The following PIGN variants were observed in gnomAD, a reference collection of about 807,000 sequenced individuals.
The protein encoded by PIGN is GPI ethanolamine phosphate transferase 1.
Under a neutral mutation model 125.4 loss-of-function variants are expected in PIGN, and 117 were observed. The observed-to-expected ratio is 0.93, with a 90% CI of 0.80 to 1.09. The LOEUF (loss-of-function observed/expected upper bound fraction) is 1.09, where lower values mean the gene tolerates loss of function less well. Among genes scored for constraint, PIGN ranks in the 50% least tolerant of loss-of-function variants. PIGN has a pLI of 0.00. For synonymous variants in PIGN, 392 were observed against 377.8 expected (o/e 1.04, Z -0.44); for missense variants, 1,075 against 1,094.9 (o/e 0.98, Z 0.26).
At chr18:62,028,620 A>C (rs2030155995) in intron 23 of PIGN, among the ~76,000 whole-genome samples, 1 of 152,186 alleles carries the variant, frequency 6.6e-6, no homozygotes, top group South Asian at 2.1e-4. Flanking sequence ...GTGCTGTAAA[A>C]AATTAACAGT....
At chr18:62,019,053 A>T (rs2030020460) in intron 23 of PIGN, among the ~76,000 whole-genome samples, 1 of 152,142 alleles carries the variant, frequency 6.6e-6, no homozygotes, top group South Asian at 2.1e-4. Context: ...ACTGAAAATT[A>T]AAAAACTTAG....
intron 23 of PIGN, among the ~76,000 whole-genome samples, chr18:62,023,373 A>G (rs1465330613): frequency 6.6e-6 from 1 of 152,198 alleles, no homozygotes; most frequent in Non-Finnish European, 1.5e-5. Flanking sequence ...AATGTTTTCA[A>G]GGTCACCCAT....
intron 21 of PIGN, among the ~76,000 whole-genome samples, chr18:62,102,452 G>T (rs1424267497): frequency 6.7e-6 from 1 of 149,568 alleles, no homozygotes; most frequent in Non-Finnish European, 1.5e-5. Context: ...CATACCCCAG[G>T]CTGCTTTCAC....
At chr18:62,186,662 A>C (rs1375047766) in intron 1 of PIGN, among the ~76,000 whole-genome samples, 182 bp downstream of exon 1, 1 of 152,152 alleles carries the variant, frequency 6.6e-6, no homozygotes, top group Non-Finnish European at 1.5e-5. Context: ...CAGAGAAGGG[A>C]AAAGAAAGGA....
chr18:62,126,203 C>T (rs2035529634), intron 14 of PIGN, among the ~76,000 whole-genome samples: 2 of 151,990 alleles, frequency 1.3e-5, no homozygotes, highest in Non-Finnish European at 2.9e-5. Flanking sequence ...AAGACTTCAC[C>T]TGTTTGTCCT....
At chr18:62,108,798 G>A (rs1227808566) in intron 17 of PIGN, among the ~76,000 whole-genome samples, 1 of 152,126 alleles carries the variant, frequency 6.6e-6, no homozygotes, top group African/African-American at 2.4e-5. Context: ...ATGTTGGTCA[G>A]GCTGGTCTCG....
At chr18:62,176,642 A>G (rs1015040603) in intron 1 of PIGN, among the ~76,000 whole-genome samples, 3 of 152,060 alleles carry the variant, frequency 2.0e-5, no homozygotes, top group African/African-American at 7.2e-5. Flanking sequence ...TCTCAATCTA[A>G]TAATGGTAAT....
chr18:62,161,425 T>C, intron 3 of PIGN, 40 bp from the exon 4 acceptor site: 1 of 836,340 alleles, frequency 1.2e-6, no homozygotes, highest in Non-Finnish European at 1.9e-6. Flanking sequence ...TAAATCTTAA[T>C]GCATTCATAT....
intron 10 of PIGN, among the ~76,000 whole-genome samples, chr18:62,145,089 T>C (rs1292375610): frequency 6.6e-6 from 1 of 152,106 alleles, no homozygotes; most frequent in Non-Finnish European, 1.5e-5. Context: ...CTTCATAAAA[T>C]TATCATAATG....
At chr18:62,060,119 T>C (rs1044526267) in intron 30 of PIGN, among the ~76,000 whole-genome samples, 1 of 152,228 alleles carries the variant, frequency 6.6e-6, no homozygotes, top group Admixed American at 6.5e-5. Context: ...CTCATCATCT[T>C]CATGCAATTG....
At chr18:62,046,270 G>A (rs2030675368) in intron 30 of PIGN, among the ~76,000 whole-genome samples, 1 of 152,026 alleles carries the variant, frequency 6.6e-6, no homozygotes, top group South Asian at 2.1e-4. Flanking sequence ...TATAAGCTAT[G>A]TATATCCTCC....
In PIGN at chr18:62,138,969, A is replaced by T; in HGVS notation, c.1116+14T>A. 6.7e-7 allele frequency: 1 copy of T among 1,491,326 alleles called. No individual in the cohort carries two copies. The highest frequency in any genetic ancestry group is 1.9e-5 in the Admixed American group (1 of 53,480). The allele number at this position is 1,491,326 out of a possible 1,614,324, so 92.4% of individuals were successfully genotyped here. ...GTCCATTTTTGTGCGTGCCTTTTTG[A>T]ATTTTTTTTTTACCTTGAACTGTTC... On this transcript the variant is annotated intron_variant, in intron 13 of 30. Coordinates refer to ENST00000640252, the MANE Select transcript of PIGN (RefSeq NM_176787.5).
intron 30 of PIGN, among the ~76,000 whole-genome samples, chr18:62,064,878 T>C (rs995965714): frequency 1.3e-5 from 2 of 151,852 alleles, no homozygotes; most frequent in African/African-American, 4.8e-5. Flanking sequence ...AAGAGAAACA[T>C]GGTTGTATTA....
chr18:62,024,723 C>A (rs1178972163), intron 23 of PIGN, among the ~76,000 whole-genome samples: 1 of 152,172 alleles, frequency 6.6e-6, no homozygotes, highest in African/African-American at 2.4e-5. Flanking sequence ...TACAGTGGCT[C>A]ACGTCTGTAA....
intron 14 of PIGN, among the ~76,000 whole-genome samples, chr18:62,115,226 A>G (rs1221951593): frequency 1.3e-5 from 2 of 152,204 alleles, no homozygotes; most frequent in Admixed American, 1.3e-4. Context: ...CTGTTTTACC[A>G]GAGTAGAAAC....
At chr18:62,091,735 G>A (rs1398877874) in intron 23 of PIGN, among the ~76,000 whole-genome samples, 4 of 152,130 alleles carry the variant, frequency 2.6e-5, no homozygotes, top group African/African-American at 4.8e-5. Context: ...TTTGTCTGGG[G>A]TAAATGTTCC....
At chr18:62,103,188 A>T (rs1191475138) in intron 20 of PIGN, among the ~76,000 whole-genome samples, 1 of 152,166 alleles carries the variant, frequency 6.6e-6, no homozygotes. Context: ...AATTTAATTT[A>T]AAAAAATTTT....
intron 2 of PIGN, among the ~76,000 whole-genome samples, chr18:62,162,770 A>G (rs1353231202): frequency 6.6e-6 from 1 of 152,138 alleles, no homozygotes; most frequent in Non-Finnish European, 1.5e-5. Context: ...CTGTGCTACT[A>G]CAAATCAACT....
At chr18:62,178,221 G>A (rs1424035482) in intron 1 of PIGN, among the ~76,000 whole-genome samples, 1 of 151,968 alleles carries the variant, frequency 6.6e-6, no homozygotes, top group Non-Finnish European at 1.5e-5. Context: ...GTAATCCAGT[G>A]GATTAAATGC....
Sources: gnomAD v4.1 joint callset for allele counts (sites outside exome capture counted in the v4.1 genomes callset) on GRCh38, gnomAD v4.1.1 for gene constraint, MANE v1.5 for transcripts, NCBI Gene and HGNC (gene_info 2026-07-23, HGNC 2026-07-21) for gene names.